The following FBN1 variants were observed in gnomAD, a reference collection of about 807,000 sequenced individuals.
FBN1 encodes fibrillin-1.
A neutral mutation model predicts 365.1 loss-of-function variants in FBN1; 29 were observed. That is an observed-to-expected ratio of 0.08 (90% CI 0.06 to 0.11). FBN1 has a LOEUF of 0.11. FBN1 is among the 10% of genes least tolerant of loss of function. FBN1 has a pLI of 1.00. For synonymous variants in FBN1, 1,210 were observed against 1,270.5 expected, an observed-to-expected ratio of 0.95 and a Z score of 1.01; for missense variants, 2,476 against 3,703.2, an observed-to-expected ratio of 0.67 and a Z score of 8.60.
chr15:48,420,660 T>G, intron 63 of FBN1, 27 bp downstream of exon 63: 1 of 1,613,966 alleles, frequency 6.2e-7, no homozygotes, highest in East Asian at 2.2e-5. Context: ...TAGCCATGCA[T>G]CTTGAGAGTG....
At chr15:48,637,748 G>C (rs1442611721) in intron 2 of FBN1, among the ~76,000 whole-genome samples, 1 of 152,172 alleles carries the variant, frequency 6.6e-6, no homozygotes, top group Non-Finnish European at 1.5e-5. Flanking sequence ...TGTTCCTAGA[G>C]ATAAATAAAA....
At position 48,608,277 on chromosome 15, in the gene FBN1, C is replaced by A. The variant is rs765571949; in HGVS notation, c.346+2451G>T. ...CGACTTGCCTAGACCTCCTTGATCC[C>A]TATCATATAAAAAGTATAAAATTTT... On this transcript the variant is annotated intron_variant, in intron 4 of 65. Transcript: ENST00000316623. Among the ~76,000 whole-genome samples, 3 of 152,178 alleles carry A rather than the reference C, an allele frequency of 2.0e-5. No homozygotes were observed. In the South Asian group the frequency reaches 6.2e-4, roughly 32 times the overall value.
At chr15:48,455,669 G>A (rs552835101) in intron 44 of FBN1, among the ~76,000 whole-genome samples, 5 of 152,292 alleles carry the variant, frequency 3.3e-5, no homozygotes, top group Admixed American at 2.0e-4. Context: ...GGAAGGCTCG[G>A]AAGGGCTATT....
intron 64 of FBN1, among the ~76,000 whole-genome samples, chr15:48,414,715 T>C (rs2042888334): frequency 6.6e-6 from 1 of 152,088 alleles, no homozygotes; most frequent in Non-Finnish European, 1.5e-5. Context: ...GCTAACACGG[T>C]GAAACCCCGT....
intron 6 of FBN1, among the ~76,000 whole-genome samples, chr15:48,549,146 C>T (rs1157971122): frequency 1.3e-5 from 2 of 152,224 alleles, no homozygotes; most frequent in Non-Finnish European, 2.9e-5. Flanking sequence ...TATGGGCATT[C>T]AGATTTCTCT....
chr15:48,630,731 C>CAAAAAAAAAAAAAAAAAAAAA (rs11393587), intron 2 of FBN1, among the ~76,000 whole-genome samples: 2 of 111,078 alleles, frequency 1.8e-5, no homozygotes, highest in Non-Finnish European at 3.6e-5. Context: ...GACTCCATCT[C>CAAAAAAAAAAAAAAAAAAAAA]AAAAAAAAAA....
At chr15:48,498,442 C>T (rs906023129) in intron 18 of FBN1, among the ~76,000 whole-genome samples, 15 of 152,294 alleles carry the variant, frequency 9.8e-5, no homozygotes, top group South Asian at 8.3e-4. Context: ...TATTGTCATA[C>T]TTGTTCCAAT....
chr15:48,616,009 C>T (rs754071529), intron 2 of FBN1, among the ~76,000 whole-genome samples: 1 of 152,208 alleles, frequency 6.6e-6, no homozygotes, highest in Non-Finnish European at 1.5e-5. Context: ...AAAATATACG[C>T]TCTTCTATTT....
chr15:48,534,057 C>A (rs769906158), intron 8 of FBN1, 23 bp downstream of exon 8: 1 of 1,611,076 alleles, frequency 6.2e-7, no homozygotes, highest in East Asian at 2.2e-5. Flanking sequence ...CACCCCCCAA[C>A]TGCAAAGCAT....
At chr15:48,452,209 G>T (rs550427922) in intron 45 of FBN1, among the ~76,000 whole-genome samples, 1 of 152,260 alleles carries the variant, frequency 6.6e-6, no homozygotes, top group African/African-American at 2.4e-5. Flanking sequence ...AAATCATTTG[G>T]TCCTAAATGT....
intron 39 of FBN1, 33 bp downstream of exon 39, chr15:48,465,757 G>A: frequency 1.2e-6 from 2 of 1,612,504 alleles, no homozygotes; most frequent in South Asian, 1.1e-5. Context: ...AATTCAAGTT[G>A]TGTGTGCTTT....
chr15:48,444,026 G>C (rs1016566028), intron 49 of FBN1, among the ~76,000 whole-genome samples: 1 of 152,012 alleles, frequency 6.6e-6, no homozygotes, highest in Admixed American at 6.6e-5. Flanking sequence ...GTAAGACCCT[G>C]TCTCCATTAA....
chr15:48,454,243 G>C (rs541529758), intron 44 of FBN1, among the ~76,000 whole-genome samples: 3 of 152,318 alleles, frequency 2.0e-5, no homozygotes, highest in Admixed American at 2.0e-4. Context: ...GGTCTGTAGA[G>C]AGTGCTTTGA....
chr15:48,413,426 G>T (rs2042879512), intron 64 of FBN1, among the ~76,000 whole-genome samples: 1 of 152,238 alleles, frequency 6.6e-6, no homozygotes, highest in Non-Finnish European at 1.5e-5. Context: ...TCCGACTCAT[G>T]TGAAGATGGA....
At chr15:48,524,253 G>A (rs1234355757) in intron 9 of FBN1, among the ~76,000 whole-genome samples, 1 of 152,198 alleles carries the variant, frequency 6.6e-6, no homozygotes, top group Non-Finnish European at 1.5e-5. Context: ...GGGGCTGGGA[G>A]GTCTGAGAGT....
intron 56 of FBN1, among the ~76,000 whole-genome samples, chr15:48,429,334 A>G (rs1323641839): frequency 2.0e-5 from 3 of 152,204 alleles, no homozygotes; most frequent in African/African-American, 7.2e-5. Context: ...GGTTGCATTT[A>G]TTGTAATATT....
chr15:48,565,092 C>A (rs918290255), intron 6 of FBN1, among the ~76,000 whole-genome samples: 9 of 152,054 alleles, frequency 5.9e-5, no homozygotes, highest in African/African-American at 1.9e-4. Context: ...TTTATTGCTC[C>A]CCACCCACCA....
chr15:48,633,117 G>A (rs1210131976), intron 2 of FBN1, among the ~76,000 whole-genome samples: 1 of 152,150 alleles, frequency 6.6e-6, no homozygotes. Context: ...TGGAAAAAAA[G>A]ATAATAATAT....
intron 6 of FBN1, among the ~76,000 whole-genome samples, chr15:48,556,783 C>T (rs955107706): frequency 9.2e-5 from 14 of 151,990 alleles, no homozygotes; most frequent in African/African-American, 2.2e-4. Flanking sequence ...ACGTGTCAAG[C>T]GGAGAGAATT....
Sources: gnomAD v4.1 joint callset for allele counts (sites outside exome capture counted in the v4.1 genomes callset) on GRCh38, gnomAD v4.1.1 for gene constraint, MANE v1.5 for transcripts, NCBI Gene and HGNC (gene_info 2026-07-23, HGNC 2026-07-21) for gene names.